The following EVA1C variants were observed in gnomAD, a reference collection of about 807,000 sequenced individuals.
The protein encoded by EVA1C is protein eva-1 homolog C.
Under a neutral mutation model 45.4 loss-of-function variants are expected in EVA1C, and 25 were observed. The observed-to-expected ratio is 0.55, with a 90% CI of 0.40 to 0.77. EVA1C has a LOEUF of 0.77. EVA1C is among the 30% of genes least tolerant of loss of function. The pLI is 0.00. For synonymous variants in EVA1C, 190 were observed against 221.2 expected, an observed-to-expected ratio of 0.86 and a Z score of 1.25; for missense variants, 479 against 554.8, an observed-to-expected ratio of 0.86 and a Z score of 1.37.
At chr21:32,498,132 G>C (rs2037410553) in intron 5 of EVA1C, among the ~76,000 whole-genome samples, 1 of 152,162 alleles carries the variant, frequency 6.6e-6, no homozygotes, top group South Asian at 2.1e-4. Context: ...GCTGTGCTGG[G>C]TGCCAGGGAT....
intron 3 of EVA1C, among the ~76,000 whole-genome samples, chr21:32,459,325 CT>C (rs1179276912): frequency 2.6e-5 from 4 of 152,242 alleles, no homozygotes; most frequent in Admixed American, 6.5e-5. Context: ...CCTCTCCACC[CT>C]CCCTCCGCCC....
At chr21:32,457,800 C>A (rs536093028) in intron 3 of EVA1C, 80 bp downstream of exon 3, 2 of 1,547,348 alleles carry the variant, frequency 1.3e-6, no homozygotes, top group Non-Finnish European at 8.9e-7. Flanking sequence ...ATTCTCTGCC[C>A]GTTGGCATTT....
At chr21:32,475,597 C>T (rs907805760) in intron 4 of EVA1C, among the ~76,000 whole-genome samples, 3 of 149,908 alleles carry the variant, frequency 2.0e-5, no homozygotes, top group African/African-American at 7.4e-5. Flanking sequence ...GTGTGTTTTT[C>T]CACGTGGCCA....
intron 4 of EVA1C, among the ~76,000 whole-genome samples, chr21:32,481,762 C>T (rs768035559): frequency 1.4e-4 from 22 of 152,146 alleles, no homozygotes; most frequent in Non-Finnish European, 2.9e-4. Flanking sequence ...TTGAAACGTA[C>T]CTTAAAATCG....
chr21:32,413,386 C>G (rs537978204), intron 1 of EVA1C, among the ~76,000 whole-genome samples: 2 of 152,344 alleles, frequency 1.3e-5, no homozygotes, highest in South Asian at 4.1e-4. Flanking sequence ...GGCGTTGCGC[C>G]GCGTTTGTCA....
In EVA1C at chr21:32,453,345, C is replaced by T; in HGVS notation, c.194C>T (p.Thr65Ile). 1.2e-6 allele frequency: 2 copies of T among 1,608,530 alleles called. No individual in the cohort carries two copies. The highest frequency in any genetic ancestry group is 1.7e-6 in the Non-Finnish European group (2 of 1,176,944). ...ACCAAACTCCTGCAAAACCACACCA[C>T]CTATGCCTGTGATGGGGACTATTTG... ...YLTKLLQNHT[T>I]YACDGDYLNL... Residue 65 changes from threonine to isoleucine, a missense_variant, in exon 2 of 8, where the codon ACC becomes ATC. Around this residue, in one of 3 missense-constraint regions of EVA1C, gnomAD observed 33 missense variants for 64.9 expected, o/e 0.51. Coordinates refer to ENST00000300255, the MANE Select transcript of EVA1C (RefSeq NM_058187.5).
intron 4 of EVA1C, among the ~76,000 whole-genome samples, chr21:32,487,113 G>C (rs1285119854): frequency 6.6e-6 from 1 of 152,180 alleles, no homozygotes. Context: ...AAGATGAAAG[G>C]AACGTCTTTT....
In EVA1C at chr21:32,452,170, A is replaced by T. The variant is rs2035604300; in HGVS notation, c.161-1142A>T. On this transcript the variant is annotated intron_variant, in intron 1 of 7. Coordinates refer to ENST00000300255, the MANE Select transcript of EVA1C (RefSeq NM_058187.5). This position sits in a 1 kb window ranked among gnomAD's most constrained non-coding sequence, Gnocchi z 4.0. ...ATGGGCATCCACACATCCAGGGGAC[A>T]CTCACCCCGATTTTTTTCCTGGTTT... 1 of 152,166 alleles carries T rather than the reference A, an allele frequency of 6.6e-6. No individual in the cohort carries two copies. The highest frequency in any genetic ancestry group is 1.5e-5 in the Non-Finnish European group (1 of 68,048). 9.4% of individuals were successfully genotyped at this position (152,166 alleles called of 1,614,324 possible). A position where few individuals can be genotyped will look rare whatever the true frequency, so the allele number is the denominator to read the frequency against.
At position 32,515,225 on chromosome 21, in the gene EVA1C, G is replaced by C; in HGVS notation, c.*35G>C. The C allele has an allele frequency of 6.5e-7, 1 of 1,529,078 alleles. No individual in the cohort carries two copies. Among genetic ancestry groups the C allele is most frequent in the Non-Finnish European group, 8.8e-7 (1 of 1,135,818 alleles). The allele number at this position is 1,529,078 out of a possible 1,614,324, so 94.7% of individuals were successfully genotyped here. ...GCATCTTGATGCGATCGCACTTTCT[G>C]AAGAAGGAAGGATCCCAAATGCCCC... On this transcript the variant is annotated 3_prime_UTR_variant, in exon 8 of 8. Coordinates refer to ENST00000300255, the MANE Select transcript of EVA1C (RefSeq NM_058187.5).
chr21:32,497,699 G>C (rs952733391), intron 5 of EVA1C, among the ~76,000 whole-genome samples: 2 of 152,072 alleles, frequency 1.3e-5, no homozygotes, highest in Non-Finnish European at 1.5e-5. Context: ...CCCGAGACTA[G>C]GCAATTTACA....
intron 5 of EVA1C, 115 bp downstream of exon 5, chr21:32,495,285 A>G: frequency 9.3e-7 from 1 of 1,077,492 alleles, no homozygotes; most frequent in Non-Finnish European, 1.3e-6. Context: ...CTCCTCCTGA[A>G]GCTGTTTGGT....
chr21:32,423,974 T>A (rs558489262), intron 1 of EVA1C, among the ~76,000 whole-genome samples: 13 of 152,162 alleles, frequency 8.5e-5, no homozygotes, highest in Non-Finnish European at 1.8e-4. Flanking sequence ...CCAAAACAAA[T>A]CTTTAATTCG....
chr21:32,462,240 AAC>A lies in EVA1C; in HGVS notation c.481+4522_481+4523del, dbSNP rs1348732030. Among the ~76,000 whole-genome samples the A allele has an allele frequency of 5.3e-5, 8 of 151,088 alleles. 1 individual carries two copies. Among genetic ancestry groups the A allele is most frequent in the Non-Finnish European group, 4.4e-5 (3 of 67,720 alleles). ...TATCTCTAAAAAAAAAAAAAAAAAA[AAC>A]AATTAGCAGGGCATCATGGCAGGCA... On this transcript the variant is annotated intron_variant, in intron 3 of 7. Coordinates refer to ENST00000300255, the MANE Select transcript of EVA1C (RefSeq NM_058187.5).
rs117252942 is a variant in EVA1C, at chr21:32,445,100, G to T, written c.161-8212G>T. 5.6e-3 allele frequency among the ~76,000 whole-genome samples: 850 copies of T among 152,164 alleles called. 43 individuals carry two copies. The South Asian group carries it at 0.076, about 14-fold the overall frequency. The stretch of plus-strand genomic sequence containing the variant: ...GCCTTTCTCCAAAGATAATTTTGAG[G>T]GCTTCAATATTTAAAGGGGAAAGGA... On this transcript the variant is annotated intron_variant, in intron 1 of 7. Transcript: ENST00000300255.
chr21:32,484,361 T>C (rs1421022766), intron 4 of EVA1C, among the ~76,000 whole-genome samples: 1 of 152,144 alleles, frequency 6.6e-6, no homozygotes, highest in Non-Finnish European at 1.5e-5. Flanking sequence ...CTGACCAAGA[T>C]GGTGAAACCC....
intron 4 of EVA1C, among the ~76,000 whole-genome samples, chr21:32,473,537 T>A (rs2036450571): frequency 6.6e-6 from 1 of 152,148 alleles, no homozygotes; most frequent in African/African-American, 2.4e-5. Flanking sequence ...GGGCAGAGCA[T>A]TTGCCGTCTG....
At chr21:32,493,458 A>C (rs896639361) in intron 4 of EVA1C, among the ~76,000 whole-genome samples, 1 of 149,566 alleles carries the variant, frequency 6.7e-6, no homozygotes, top group East Asian at 2.0e-4. Flanking sequence ...CGCCCCGCCT[A>C]CTCCCGCCTT....
chr21:32,493,043 G>T (rs1339005090), intron 4 of EVA1C, among the ~76,000 whole-genome samples: 1 of 152,108 alleles, frequency 6.6e-6, no homozygotes, highest in Non-Finnish European at 1.5e-5. Context: ...TATTTATTGG[G>T]CTCCTACAGT....
chr21:32,470,764 CTTT>C (rs142166965), intron 4 of EVA1C, among the ~76,000 whole-genome samples: 3 of 146,398 alleles, frequency 2.0e-5, no homozygotes, highest in Non-Finnish European at 4.5e-5. Context: ...CTTTTTCTTT[CTTT>C]TTTTTTTTTG....
Sources: gnomAD v4.1 joint callset for allele counts (sites outside exome capture counted in the v4.1 genomes callset) on GRCh38, gnomAD v4.1.1 for gene constraint, gnomAD v4.1.1 regional missense constraint, Gnocchi (gnomAD v3.1) non-coding constraint, MANE v1.5 for transcripts, NCBI Gene and HGNC (gene_info 2026-07-23, HGNC 2026-07-21) for gene names.